Variants in TRMT11 observed in about 807,000 individuals in gnomAD.
TRMT11 encodes the protein tRNA methyltransferase 11, also known as tRNA (guanine(10)-N(2))-methyltransferase TRMT11.
Under a neutral mutation model 62.8 loss-of-function variants are expected in TRMT11, and 53 were observed. The observed-to-expected ratio is 0.84, with a 90% CI of 0.68 to 1.06. TRMT11 has a LOEUF of 1.06. TRMT11 is among the 50% of genes least tolerant of loss of function. TRMT11 has a pLI of 0.00. For synonymous variants in TRMT11, 188 were observed against 190.3 expected, an observed-to-expected ratio of 0.99 and a Z score of 0.10; for missense variants, 556 against 553.4, an observed-to-expected ratio of 1.00 and a Z score of -0.05.
At chr6:126,136,833 A>G (rs1453782160) in intron 21 of TRMT11, among the ~76,000 whole-genome samples, 2 of 151,774 alleles carry the variant, frequency 1.3e-5, no homozygotes, top group Non-Finnish European at 3.0e-5. Flanking sequence ...AAGTGCATGT[A>G]TTTACAGTCA....
At chr6:126,124,599 G>T (rs1777689536) in intron 21 of TRMT11, among the ~76,000 whole-genome samples, 1 of 152,012 alleles carries the variant, frequency 6.6e-6, no homozygotes, top group South Asian at 2.1e-4. Context: ...CAAAAAGTGT[G>T]CATTTTTGTC....
chr6:126,141,450 A>G (rs1777915423), intron 21 of TRMT11, among the ~76,000 whole-genome samples: 1 of 152,156 alleles, frequency 6.6e-6, no homozygotes, highest in Non-Finnish European at 1.5e-5. Flanking sequence ...AAAGTAGCAA[A>G]TTTGAATATA....
rs1415947801 is a variant in TRMT11, at chr6:126,012,957, T to A, written c.1008-13T>A. 3.1e-6 allele frequency: 5 copies of A among 1,608,166 alleles called. No individual in the cohort carries two copies. The East Asian group carries it at 8.9e-5, about 29-fold the overall frequency. On this transcript the variant is annotated splice_polypyrimidine_tract_variant and intron_variant, in intron 10 of 12. Transcript: ENST00000334379. ...TTTTTCACTGATTTTGAAATTTTCT[T>A]TTCTTTGTGTAGTCCAGAAAGCCAT...
At chr6:126,055,512 TAAG>T (rs1033181148) in intron 17 of TRMT11, among the ~76,000 whole-genome samples, 4 of 152,208 alleles carry the variant, frequency 2.6e-5, no homozygotes, top group African/African-American at 9.6e-5. Context: ...GTTAAATTGT[TAAG>T]AACTCATTTA....
downstream of TRMT11, among the ~76,000 whole-genome samples, chr6:126,043,503 G>A (rs1439774448): frequency 1.5e-4 from 22 of 147,750 alleles, no homozygotes; most frequent in Admixed American, 2.0e-4. Flanking sequence ...GAATAGTGCC[G>A]CAATAAACAT....
chr6:126,217,391 G>A, the TRMT11 span, among the ~76,000 whole-genome samples: 2 of 152,118 alleles, frequency 1.3e-5, no homozygotes, highest in Non-Finnish European at 2.9e-5. Context: ...GGCTTTCCAG[G>A]TATTTGAAGC....
chr6:126,101,449 G>T (rs1037108602), intron 17 of TRMT11, among the ~76,000 whole-genome samples: 28 of 152,184 alleles, frequency 1.8e-4, no homozygotes, highest in African/African-American at 6.5e-4. Flanking sequence ...AGCATCAGGT[G>T]TATCTGTTCC....
At chr6:126,159,436 G>C (rs760199124) in intron 21 of TRMT11, among the ~76,000 whole-genome samples, 2 of 152,086 alleles carry the variant, frequency 1.3e-5, no homozygotes, top group Non-Finnish European at 2.9e-5. Context: ...TTTACAAAAA[G>C]AATCTCTGAG....
At chr6:126,191,643 T>G (rs1267212373) in intron 1 of TRMT11, among the ~76,000 whole-genome samples, 1 of 151,972 alleles carries the variant, frequency 6.6e-6, no homozygotes, top group Non-Finnish European at 1.5e-5. Context: ...GATGGGTATT[T>G]AGTTCCTTCT....
At chr6:126,205,355 T>C (rs1778779743), downstream of TRMT11, among the ~76,000 whole-genome samples, 1 of 151,990 alleles carries the variant, frequency 6.6e-6, no homozygotes, top group African/African-American at 2.4e-5. Context: ...AATACAAAAA[T>C]TTGCTGGGCG....
intron 21 of TRMT11, among the ~76,000 whole-genome samples, chr6:126,119,620 G>A (rs1262557036): frequency 6.6e-6 from 1 of 152,084 alleles, no homozygotes; most frequent in African/African-American, 2.4e-5. Context: ...TCTGAATTTA[G>A]GAGTGAGGAC....
chr6:126,013,253 CT>C (rs1377492302), intron 11 of TRMT11, 152 bp downstream of exon 11: 26 of 742,558 alleles, frequency 3.5e-5, no homozygotes, highest in Non-Finnish European at 5.0e-5. Context: ...ATAAAATAGT[CT>C]TTTTATTTAT....
the TRMT11 span, among the ~76,000 whole-genome samples, chr6:126,237,706 C>G: frequency 6.6e-6 from 1 of 151,978 alleles, no homozygotes; most frequent in Non-Finnish European, 1.5e-5. Flanking sequence ...AATAAAAAGT[C>G]TCTTAAAGAA....
At chr6:126,067,392 C>T (rs1776724742) in intron 17 of TRMT11, among the ~76,000 whole-genome samples, 1 of 152,144 alleles carries the variant, frequency 6.6e-6, no homozygotes, top group Non-Finnish European at 1.5e-5. Flanking sequence ...TTTAGATAAT[C>T]CTTCATTGCT....
the TRMT11 span, among the ~76,000 whole-genome samples, chr6:126,262,112 G>A: frequency 3.6e-3 from 541 of 152,300 alleles, 5 homozygotes; most frequent in African/African-American, 0.012. Context: ...CTGAAGTTTT[G>A]CAGCAGTATG....
At chr6:126,240,142 C>A in the TRMT11 span, among the ~76,000 whole-genome samples, 1 of 152,122 alleles carries the variant, frequency 6.6e-6, no homozygotes, top group Non-Finnish European at 1.5e-5. Flanking sequence ...AACTTCTTTG[C>A]CGTGGGTTCA....
chr6:126,202,181 A>G lies in TRMT11; in HGVS notation n.525A>G, dbSNP rs530182394. 4.0e-5 allele frequency: 6 copies of G among 150,582 alleles called. 1 individual carries two copies. In the South Asian group the frequency reaches 1.0e-3, roughly 26 times the overall value. The allele number at this position is 150,582 out of a possible 1,614,324, so 9.3% of individuals were successfully genotyped here. On this transcript the variant is annotated non_coding_transcript_exon_variant, in exon 4 of 4. Transcript: ENST00000444229. ...GTGTCTGGTATATAGTAGGTGCTCA[A>G]TAAAGGTCTGTTTAATAATAATAAT...
chr6:126,026,111 A>T (rs1773025538), intron 12 of TRMT11, among the ~76,000 whole-genome samples: 1 of 152,210 alleles, frequency 6.6e-6, no homozygotes, highest in African/African-American at 2.4e-5. Context: ...TCTGAAAGCC[A>T]AGTGAATGAT....
chr6:126,003,227 C>T (rs557702321), intron 7 of TRMT11, among the ~76,000 whole-genome samples: 1 of 152,154 alleles, frequency 6.6e-6, no homozygotes, highest in African/African-American at 2.4e-5. Flanking sequence ...TGAATGTGGC[C>T]TGATACAAAC....
Sources: gnomAD v4.1 joint callset for allele counts (sites outside exome capture counted in the v4.1 genomes callset) on GRCh38, gnomAD v4.1.1 for gene constraint, MANE v1.5 for transcripts, NCBI Gene and HGNC (gene_info 2026-07-23, HGNC 2026-07-21) for gene names.